The following TAF2 variants were observed in gnomAD, a reference collection of about 807,000 sequenced individuals.
TAF2 encodes the protein transcription initiation factor TFIID subunit 2.
A neutral mutation model predicts 138.5 loss-of-function variants in TAF2; 61 were observed. The observed-to-expected ratio is 0.44, with a 90% CI of 0.36 to 0.54. The LOEUF is 0.54. Among genes scored for constraint, TAF2 ranks in the 20% least tolerant of loss-of-function variants. TAF2 has a pLI of 0.00. For synonymous variants in TAF2, 475 were observed against 469.9 expected (o/e 1.01, Z -0.14); for missense variants, 1,090 against 1,427.9 (o/e 0.76, Z 3.81).
intron 2 of TAF2, among the ~76,000 whole-genome samples, chr8:119,822,698 G>C (rs1190245536): frequency 6.6e-6 from 1 of 152,124 alleles, no homozygotes; most frequent in Non-Finnish European, 1.5e-5. Context: ...TCACTGCTTA[G>C]AACTGCTCTG....
intron 2 of TAF2, among the ~76,000 whole-genome samples, chr8:119,830,411 A>C (rs1464372043): frequency 2.0e-5 from 3 of 152,128 alleles, no homozygotes; most frequent in Non-Finnish European, 4.4e-5. Context: ...TGCTATCTTC[A>C]TTTAGGACTT....
intron 3 of TAF2, among the ~76,000 whole-genome samples, chr8:119,810,265 T>C (rs1253124699): frequency 2.6e-5 from 4 of 152,158 alleles, no homozygotes; most frequent in Non-Finnish European, 5.9e-5. Flanking sequence ...ATGCTACCTT[T>C]TGAGACTGGC....
intron 25 of TAF2, among the ~76,000 whole-genome samples, chr8:119,737,967 CAGG>C (rs1169768547): frequency 6.6e-6 from 1 of 152,010 alleles, no homozygotes; most frequent in African/African-American, 2.4e-5. Context: ...TTGGCAGTAA[CAGG>C]AGAACAAATC....
At chr8:119,732,353 G>C (rs933945969) in intron 25 of TAF2, among the ~76,000 whole-genome samples, 167 bp from the exon 26 acceptor site, 1 of 152,176 alleles carries the variant, frequency 6.6e-6, no homozygotes, top group African/African-American at 2.4e-5. Flanking sequence ...GTTACACACA[G>C]AGTTTTTCAG....
At chr8:119,755,218 G>A (rs373478450) in intron 22 of TAF2, among the ~76,000 whole-genome samples, 1 of 152,198 alleles carries the variant, frequency 6.6e-6, no homozygotes, top group East Asian at 1.9e-4. Flanking sequence ...AATTAAAACT[G>A]TGATAAGGCT....
At chr8:119,771,203 G>A (rs138338022) in intron 18 of TAF2, among the ~76,000 whole-genome samples, 15 of 152,130 alleles carry the variant, frequency 9.9e-5, no homozygotes, top group African/African-American at 3.1e-4. Flanking sequence ...GATATACTAC[G>A]CAAATGAAAA....
At chr8:119,740,296 T>C (rs1347522178) in intron 25 of TAF2, among the ~76,000 whole-genome samples, 1 of 152,102 alleles carries the variant, frequency 6.6e-6, no homozygotes, top group African/African-American at 2.4e-5. Context: ...TTGATATTTG[T>C]ATTCCTGATG....
intron 15 of TAF2, among the ~76,000 whole-genome samples, chr8:119,783,899 T>C (rs1005025577): frequency 6.6e-6 from 1 of 152,212 alleles, no homozygotes; most frequent in Non-Finnish European, 1.5e-5. Flanking sequence ...AATTGTCTTT[T>C]ACAAAGGACA....
At chr8:119,820,798 C>T (rs1165456766) in intron 2 of TAF2, among the ~76,000 whole-genome samples, 4 of 152,184 alleles carry the variant, frequency 2.6e-5, no homozygotes, top group African/African-American at 9.6e-5. Flanking sequence ...TTAGAACAAT[C>T]AGCACATATC....
chr8:119,762,934 C>T (rs1379743370), intron 18 of TAF2: 1 of 216,490 alleles, frequency 4.6e-6, no homozygotes, highest in South Asian at 7.2e-5. Context: ...AAAAACAAAT[C>T]CTAATCTACA....
In TAF2 at chr8:119,783,577, T is replaced by C. The variant is rs772288165; in HGVS notation, c.1916A>G (p.Lys639Arg). 6.2e-7 allele frequency: 1 copy of C among 1,614,192 alleles called. No individual in the cohort carries two copies. The highest frequency in any genetic ancestry group is 1.3e-5 in the African/African-American group (1 of 75,058). The change falls in exon 16 of 26, where the codon AAG (lysine) becomes AGG (arginine). Residue 639 changes from lysine (K) to arginine (R), a missense_variant. This residue lies in a region of TAF2 where 580 missense variants were observed against 719.6 expected (regional missense o/e 0.81). Coordinates refer to ENST00000378164, the MANE Select transcript of TAF2 (RefSeq NM_003184.4). Reference sequence around the variant, plus strand: ...AAAATCAGCTTGCTCAAATTCTACCTTCCTCAATACTGACATATCTGGGTC... The same window carrying C: ...AAAATCAGCTTGCTCAAATTCTACCCTCCTCAATACTGACATATCTGGGTC... ...RIDPDMSVLR[K>R]VEFEQADFMW...
chr8:119,782,093 A>T (rs2131137582), intron 16 of TAF2, among the ~76,000 whole-genome samples: 1 of 152,350 alleles, frequency 6.6e-6, no homozygotes, highest in East Asian at 1.9e-4. Context: ...TATTTTGAAT[A>T]GTCTGTCTTT....
At chr8:119,768,340 TACC>T (rs1821587214) in intron 18 of TAF2, among the ~76,000 whole-genome samples, 1 of 152,226 alleles carries the variant, frequency 6.6e-6, no homozygotes, top group South Asian at 2.1e-4. Context: ...TGTACCCCTT[TACC>T]ATGAAGGTGC....
chr8:119,744,501 A>T (rs2030561148), intron 23 of TAF2, 108 bp from the exon 24 acceptor site: 2 of 864,724 alleles, frequency 2.3e-6, no homozygotes, highest in Admixed American at 3.7e-5. Context: ...ATATACCCCC[A>T]TATAATCTTA....
Position 119,779,249 on chromosome 8 carries a change from GACACACAC to G in TAF2, c.2254-1128_2254-1121del, listed in dbSNP as rs10636618. Among the ~76,000 whole-genome samples the G allele has an allele frequency of 6.4e-4, 94 of 147,374 alleles. 1 individual carries two copies. In the South Asian group the frequency reaches 0.011, roughly 17 times the overall value. On this transcript the variant is annotated intron_variant, in intron 17 of 25. Coordinates refer to ENST00000378164, the MANE Select transcript of TAF2 (RefSeq NM_003184.4). ...AAATACATTTTGTAACACAACCTAAGACACACACACACACACACACACACACACACACT... is the reference window on the plus strand; with the variant it reads ...AAATACATTTTGTAACACAACCTAAGACACACACACACACACACACACACT...
At chr8:119,808,467 T>A (rs1824817117) in intron 3 of TAF2, among the ~76,000 whole-genome samples, 1 of 152,192 alleles carries the variant, frequency 6.6e-6, no homozygotes, top group African/African-American at 2.4e-5. Context: ...GGAATCAACT[T>A]CTTCCAAACC....
At chr8:119,826,259 A>AT (rs201148561) in intron 2 of TAF2, among the ~76,000 whole-genome samples, 49 of 148,044 alleles carry the variant, frequency 3.3e-4, no homozygotes, top group African/African-American at 8.1e-4. Flanking sequence ...TTAAAGTATA[A>AT]TTAAAAAAAA....
chr8:119,794,627 A>G (rs987754680), intron 9 of TAF2, among the ~76,000 whole-genome samples: 2 of 152,236 alleles, frequency 1.3e-5, no homozygotes, highest in African/African-American at 4.8e-5. Context: ...AATGGGAATG[A>G]TAGCAAGGTA....
chr8:119,797,093 A>G lies in TAF2; in HGVS notation c.988T>C (p.Leu330=), dbSNP rs756533483. 3 of 1,611,000 alleles carry G rather than the reference A, an allele frequency of 1.9e-6. No individual in the cohort carries two copies. The highest frequency in any genetic ancestry group is 1.7e-6 in the Non-Finnish European group (2 of 1,177,426). The change falls in exon 8 of 26, where the codon TTA becomes CTA. Residue 330 remains leucine (L), a synonymous_variant. Transcript: ENST00000378164. ...TCATCTATAATCATGGCACTGTGTA[A>G]AAGATTTGTGCTGGAATTTAAAAGA... ...ASMSIFSTNL[L]HSAMIIDETP...
Sources: gnomAD v4.1 joint callset for allele counts (sites outside exome capture counted in the v4.1 genomes callset) on GRCh38, gnomAD v4.1.1 for gene constraint, gnomAD v4.1.1 regional missense constraint, MANE v1.5 for transcripts, NCBI Gene and HGNC (gene_info 2026-07-23, HGNC 2026-07-21) for gene names.